Variants in SLC35F1 observed in about 807,000 individuals in gnomAD.
The protein encoded by SLC35F1 is chromosome 6 open reading frame 169.
In SLC35F1, 14 loss-of-function variants were observed where a neutral mutation model predicts 48.7. The observed-to-expected ratio is 0.29, with a 90% CI of 0.19 to 0.45. SLC35F1 has a LOEUF of 0.45. Among genes scored for constraint, SLC35F1 ranks in the 20% least tolerant of loss-of-function variants. The pLI is 1.00. For missense variants in SLC35F1, 404 were observed against 500.0 expected, an observed-to-expected ratio of 0.81 and a Z score of 1.83; for synonymous variants, 190 against 202.2, an observed-to-expected ratio of 0.94 and a Z score of 0.51.
intron 1 of SLC35F1, among the ~76,000 whole-genome samples, chr6:118,009,460 G>A (rs1392334775): frequency 6.6e-6 from 1 of 152,104 alleles, no homozygotes; most frequent in Non-Finnish European, 1.5e-5. Flanking sequence ...TAAATCTAAG[G>A]AAATCTAAGT....
chr6:117,987,344 T>A (rs2114854890), intron 1 of SLC35F1, among the ~76,000 whole-genome samples: 1 of 150,444 alleles, frequency 6.6e-6, no homozygotes, highest in East Asian at 1.9e-4. Flanking sequence ...TTCCTCCTCC[T>A]CTTATTCGTC....
chr6:118,241,804 A>G (rs776503887), intron 3 of SLC35F1, among the ~76,000 whole-genome samples: 43 of 152,218 alleles, frequency 2.8e-4, no homozygotes, highest in African/African-American at 1.0e-3. Flanking sequence ...AGAATGCTAT[A>G]TAAAAATTGA....
At chr6:118,091,500 A>G (rs1773072749) in intron 1 of SLC35F1, among the ~76,000 whole-genome samples, 1 of 152,086 alleles carries the variant, frequency 6.6e-6, no homozygotes, top group East Asian at 1.9e-4. Context: ...CTCCTCCTTC[A>G]CCTTCCACCA....
chr6:118,291,979 A>C (rs571089287), intron 7 of SLC35F1, among the ~76,000 whole-genome samples: 1 of 152,094 alleles, frequency 6.6e-6, no homozygotes, highest in Non-Finnish European at 1.5e-5. Context: ...TTAGCTGGGC[A>C]TGGTGGCAGG....
At chr6:118,010,880 C>T (rs1322041195) in intron 1 of SLC35F1, among the ~76,000 whole-genome samples, 1 of 152,204 alleles carries the variant, frequency 6.6e-6, no homozygotes, top group Non-Finnish European at 1.5e-5. Context: ...CTAACTCTCT[C>T]TCTCACACAG....
chr6:118,071,043 C>T (rs1416541444), intron 1 of SLC35F1, among the ~76,000 whole-genome samples: 60 of 7,598 alleles, frequency 7.9e-3, no homozygotes, highest in African/African-American at 0.016. Context: ...TATATATATA[C>T]ACATAGTATA....
At chr6:118,249,230 A>C (rs762043720) in intron 3 of SLC35F1, among the ~76,000 whole-genome samples, 1 of 152,182 alleles carries the variant, frequency 6.6e-6, no homozygotes, top group Admixed American at 6.5e-5. Context: ...GCCTTCTCCA[A>C]ATAGAACTGG....
intron 1 of SLC35F1, among the ~76,000 whole-genome samples, chr6:118,096,705 A>G (rs1023442384): frequency 1.3e-5 from 2 of 151,944 alleles, no homozygotes; most frequent in African/African-American, 4.8e-5. Flanking sequence ...GAGATACACC[A>G]CTCACCTTCC....
At chr6:118,064,202 G>C (rs527722439) in intron 1 of SLC35F1, among the ~76,000 whole-genome samples, 1 of 152,114 alleles carries the variant, frequency 6.6e-6, no homozygotes, top group Non-Finnish European at 1.5e-5. Context: ...ACTACCATGA[G>C]AACAGCATGG....
intron 1 of SLC35F1, among the ~76,000 whole-genome samples, chr6:118,092,469 G>T (rs967655693): frequency 6.6e-6 from 1 of 152,222 alleles, no homozygotes; most frequent in Admixed American, 6.5e-5. Flanking sequence ...ATGTGAAAGG[G>T]AAATGTGGTG....
At chr6:117,971,426 G>A (rs1189613177) in intron 1 of SLC35F1, among the ~76,000 whole-genome samples, 1 of 152,214 alleles carries the variant, frequency 6.6e-6, no homozygotes, top group Non-Finnish European at 1.5e-5. Flanking sequence ...GCTGTCACTG[G>A]ATCACAGTTC....
intron 7 of SLC35F1, among the ~76,000 whole-genome samples, chr6:118,301,633 CACAT>C (rs1776255433): frequency 6.6e-6 from 1 of 152,044 alleles, no homozygotes; most frequent in Non-Finnish European, 1.5e-5. Flanking sequence ...TAGTCATTAT[CACAT>C]ACAATGTTTA....
rs1252138046 is a variant in SLC35F1 at position 118,317,005 on chromosome 6, ATTAACT to A, written c.*2757_*2762del. 1 of 152,684 alleles carries A rather than the reference ATTAACT, an allele frequency of 6.5e-6. No homozygotes were observed. The highest frequency in any genetic ancestry group is 1.5e-5 in the Non-Finnish European group (1 of 68,048). 9.5% of individuals were successfully genotyped at this position (152,684 alleles called of 1,614,324 possible). The stretch of plus-strand genomic sequence containing the variant: ...GGGCGGGAAATGGGAGTAGGACAAC[ATTAACT>A]TTAGCTGTTTTAGTTTCTGAGATTT... On this transcript the variant is annotated 3_prime_UTR_variant, in exon 8 of 8. Transcript: ENST00000360388.
chr6:118,025,459 G>T (rs1348079700), intron 1 of SLC35F1, among the ~76,000 whole-genome samples: 1 of 152,154 alleles, frequency 6.6e-6, no homozygotes, highest in Admixed American at 6.5e-5. Context: ...GTATTTGTCA[G>T]ATTTTACCAG....
At chr6:118,254,586 C>T (rs1775618879) in intron 3 of SLC35F1, among the ~76,000 whole-genome samples, 1 of 152,082 alleles carries the variant, frequency 6.6e-6, no homozygotes, top group African/African-American at 2.4e-5. Flanking sequence ...GCAATTTTTG[C>T]GGTTTTCTAA....
At chr6:118,031,326 G>T (rs1264265434) in intron 1 of SLC35F1, among the ~76,000 whole-genome samples, 6 of 152,142 alleles carry the variant, frequency 3.9e-5, no homozygotes, top group Non-Finnish European at 8.8e-5. Context: ...GCAGGTATGA[G>T]GTCTACTGTG....
At chr6:118,117,067 G>C (rs1773485272) in intron 1 of SLC35F1, among the ~76,000 whole-genome samples, 1 of 152,118 alleles carries the variant, frequency 6.6e-6, no homozygotes, top group Admixed American at 6.6e-5. Context: ...CCTGTAACTT[G>C]AACAAATGAC....
At chr6:118,253,397 T>A (rs1041706448) in intron 3 of SLC35F1, among the ~76,000 whole-genome samples, 1 of 152,170 alleles carries the variant, frequency 6.6e-6, no homozygotes, top group Non-Finnish European at 1.5e-5. Flanking sequence ...TCCATTTTGA[T>A]CGTGTTTGGG....
At chr6:118,297,201 A>T (rs1384679306) in intron 7 of SLC35F1, among the ~76,000 whole-genome samples, 1 of 152,208 alleles carries the variant, frequency 6.6e-6, no homozygotes, top group Non-Finnish European at 1.5e-5. Flanking sequence ...ATATTTTAAT[A>T]GTTAACTTCT....
Sources: allele counts gnomAD v4.1 joint callset (sites outside exome capture counted in the v4.1 genomes callset), GRCh38; gene constraint gnomAD v4.1.1; transcripts MANE v1.5; gene names NCBI Gene and HGNC (gene_info 2026-07-23, HGNC 2026-07-21).